RMDN2: variants seen among roughly 807,000 people sequenced by gnomAD.
RMDN2 encodes the protein regulator of microtubule dynamics 2.
A neutral mutation model predicts 52.8 loss-of-function variants in RMDN2; 61 were observed. The observed-to-expected ratio is 1.16, with a 90% confidence interval of 0.94 to 1.43. The LOEUF (loss-of-function observed/expected upper bound fraction) is 1.43. RMDN2 is among the 40% of genes most tolerant of loss of function. The pLI, the probability that RMDN2 is intolerant of heterozygous loss-of-function variation, is 0.00. For missense variants in RMDN2, 592 were observed against 475.3 expected (o/e 1.25, Z -2.28); for synonymous variants, 180 against 153.1 (o/e 1.18, Z -1.30).
chr2:38,039,746 C>A (rs1475158055), intron 10 of RMDN2, among the ~76,000 whole-genome samples: 1 of 152,186 alleles, frequency 6.6e-6, no homozygotes, highest in African/African-American at 2.4e-5. Context: ...GGGTGCCAGG[C>A]TGGCCCTGCC....
intron 2 of RMDN2, among the ~76,000 whole-genome samples, chr2:37,964,951 A>G (rs560530327): frequency 6.6e-6 from 1 of 152,212 alleles, no homozygotes; most frequent in Admixed American, 6.5e-5. Context: ...TTATTGTTAT[A>G]TCTTCTTGGT....
rs1207550347 is a variant in RMDN2 at position 37,929,454 on chromosome 2, T to A, written c.177T>A (p.His59Gln). 1.3e-6 allele frequency: 2 copies of A among 1,551,686 alleles called. No homozygotes were observed. The highest frequency in any genetic ancestry group is 1.2e-5 in the South Asian group (1 of 84,062). The change falls in exon 2 of 11, where the codon CAT becomes CAA. Residue 59 changes from histidine (H) to glutamine (Q), a missense_variant. Physicochemically the swap from His to Gln is conservative, Grantham distance 24. Coordinates refer to ENST00000354545, the MANE Select transcript of RMDN2 (RefSeq NM_001170791.3). Reference sequence around the variant, plus strand: ...CAATAACTTTGCAAGATGAAATACATGATGACCAAGGAACAACAGTAATCT... The same window carrying A: ...CAATAACTTTGCAAGATGAAATACAAGATGACCAAGGAACAACAGTAATCT... ...FNSITLQDEI[H>Q]DDQGTTVIFQ...
rs1485916000 is a variant in RMDN2, at chr2:37,950,361, C to A, written c.452+20632C>A. 12 of 1,329,770 alleles carry A rather than the reference C, an allele frequency of 9.0e-6. No individual in the cohort carries two copies. The East Asian group carries it at 2.9e-4, about 33-fold the overall frequency. 82.4% of individuals were successfully genotyped at this position (1,329,770 alleles called of 1,614,324 possible). A position where few individuals can be genotyped will look rare whatever the true frequency, so the allele number is the denominator to read the frequency against. On this transcript the variant is annotated intron_variant, in intron 2 of 10. Transcript: ENST00000354545. Reference sequence around the variant, plus strand: ...CATTCCACAGCCATGTGAATTCCAACTTCGGAGAAAGGTGAGCTACAGAAC... The same window carrying A: ...CATTCCACAGCCATGTGAATTCCAAATTCGGAGAAAGGTGAGCTACAGAAC...
At chr2:38,037,298 G>A (rs1680649150) in intron 10 of RMDN2, among the ~76,000 whole-genome samples, 1 of 152,218 alleles carries the variant, frequency 6.6e-6, no homozygotes, top group South Asian at 2.1e-4. Flanking sequence ...GAGGGACAGA[G>A]ACTCTTCAGG....
chr2:38,064,521 A>G (rs1423490378), intron 10 of RMDN2, among the ~76,000 whole-genome samples: 2 of 152,022 alleles, frequency 1.3e-5, no homozygotes, highest in Non-Finnish European at 2.9e-5. Context: ...AACAGGTTAG[A>G]CTTCAAGAGT....
At chr2:37,989,443 T>G (rs1674466932) in intron 5 of RMDN2, 98 bp from the exon 6 acceptor site, 1 of 756,856 alleles carries the variant, frequency 1.3e-6, no homozygotes, top group Admixed American at 2.3e-5. Flanking sequence ...TAAATATGAA[T>G]GAATGCTTTA....
At chr2:37,937,827 A>G (rs1406434416) in intron 2 of RMDN2, among the ~76,000 whole-genome samples, 2 of 152,192 alleles carry the variant, frequency 1.3e-5, no homozygotes, top group Non-Finnish European at 2.9e-5. Context: ...CAGTCATGTC[A>G]TCTGCAAACA....
chr2:38,016,659 G>A (rs1178790841), intron 10 of RMDN2, among the ~76,000 whole-genome samples: 1 of 152,014 alleles, frequency 6.6e-6, no homozygotes, highest in Non-Finnish European at 1.5e-5. Context: ...CTTTATAGGT[G>A]GTCTCACTCA....
chr2:37,933,391 A>G (rs542064675), intron 2 of RMDN2, among the ~76,000 whole-genome samples: 38 of 152,324 alleles, frequency 2.5e-4, no homozygotes, highest in African/African-American at 8.2e-4. Context: ...AGAGGCTGCA[A>G]TCTCGGCACT....
intron 10 of RMDN2, chr2:38,029,735 G>C (rs336043): frequency 1.3e-5 from 2 of 151,320 alleles, no homozygotes; most frequent in African/African-American, 4.9e-5. Flanking sequence ...TGGGGCAGGA[G>C]GTGGGGAAGC....
At chr2:37,990,901 A>G (rs865845525) in intron 6 of RMDN2, among the ~76,000 whole-genome samples, 1 of 152,278 alleles carries the variant, frequency 6.6e-6, no homozygotes, top group Middle Eastern at 3.4e-3. Context: ...TTGTAAGCTC[A>G]CCTCAGAATC....
intron 2 of RMDN2, among the ~76,000 whole-genome samples, chr2:37,964,418 C>G (rs6544121): frequency 0.39 from 58,682 of 152,034 alleles, 12,476 homozygotes; most frequent in South Asian, 0.51. Flanking sequence ...TCTTATTTGC[C>G]TTGTGATTGC....
In RMDN2 at chr2:37,964,561, A is replaced by G. The variant is rs1351667486; in HGVS notation, c.453-9479A>G. Among the ~76,000 whole-genome samples the G allele has an allele frequency of 2.0e-5, 3 of 152,186 alleles. No individual in the cohort carries two copies. The East Asian group carries it at 5.8e-4, about 29-fold the overall frequency. ...AGAAAATATGCTTCATATAATTTCT[A>G]TGTTTGTAAATTAACTAAGACTTAT... On this transcript the variant is annotated intron_variant, in intron 2 of 10. Coordinates refer to ENST00000354545, the MANE Select transcript of RMDN2 (RefSeq NM_001170791.3).
rs542924276 is a variant in RMDN2, at chr2:38,043,613, T to C, written c.1714-23369T>C. Reference sequence around the variant, plus strand: ...GCCTTCTCTGGCTTTGAGTATTTTATATGATTCCATTTTCTCTCGTCCTTT... The same window carrying C: ...GCCTTCTCTGGCTTTGAGTATTTTACATGATTCCATTTTCTCTCGTCCTTT... On this transcript the variant is annotated intron_variant, in intron 10 of 10. Transcript: ENST00000234195. Among the ~76,000 whole-genome samples the C allele has an allele frequency of 2.0e-5, 3 of 152,252 alleles. No individual in the cohort carries two copies. The East Asian group carries it at 5.8e-4, about 29-fold the overall frequency.
chr2:37,971,185 C>T (rs1451925695), intron 2 of RMDN2, among the ~76,000 whole-genome samples: 2 of 152,008 alleles, frequency 1.3e-5, no homozygotes, highest in African/African-American at 2.4e-5. Context: ...AAAACATATA[C>T]ATATAAAATG....
At chr2:38,060,664 A>G (rs1323154995) in intron 10 of RMDN2, among the ~76,000 whole-genome samples, 3 of 152,306 alleles carry the variant, frequency 2.0e-5, no homozygotes, top group Non-Finnish European at 4.4e-5. Context: ...CACCAGATCC[A>G]GTGGACACCA....
chr2:37,950,468 G>A, intron 2 of RMDN2: 1 of 1,611,186 alleles, frequency 6.2e-7, no homozygotes, highest in African/African-American at 1.3e-5. Flanking sequence ...AACTCCACAT[G>A]CAGCTTGAGC....
At position 37,982,888 on chromosome 2, in the gene RMDN2, T is replaced by C. The variant is rs151245627; in HGVS notation, c.791+1545T>C. Among the ~76,000 whole-genome samples the C allele has an allele frequency of 1.4e-4, 21 of 152,280 alleles. No homozygotes were observed. The East Asian group carries it at 3.9e-3, about 28-fold the overall frequency. ...CTGTTCCTACGTTTAGTAGTAACTGTAATGAATTTGTGGTGATCAAGCCCT... is the reference window on the plus strand; with the variant it reads ...CTGTTCCTACGTTTAGTAGTAACTGCAATGAATTTGTGGTGATCAAGCCCT... On this transcript the variant is annotated intron_variant, in intron 5 of 10. Coordinates refer to ENST00000354545, the MANE Select transcript of RMDN2 (RefSeq NM_001170791.3).
Position 37,963,320 on chromosome 2 carries a change from T to TC in RMDN2, c.453-10720_453-10719insC, listed in dbSNP as rs200916500. 3.5e-3 allele frequency: 497 copies of TC among 141,334 alleles called. 6 individuals carry two copies. The East Asian group carries it at 0.039, about 11-fold the overall frequency. The allele number at this position is 141,334 out of a possible 1,614,324, so 8.8% of individuals were successfully genotyped here. The stretch of plus-strand genomic sequence containing the variant: ...TTGGCTTCATACACGTGAGTTTCTT[T>TC]TTTTTTTTTTTTTTTAATTGATCAT... On this transcript the variant is annotated intron_variant, in intron 2 of 10. Coordinates refer to ENST00000354545, the MANE Select transcript of RMDN2 (RefSeq NM_001170791.3).
Sources: allele counts gnomAD v4.1 joint callset (sites outside exome capture counted in the v4.1 genomes callset), GRCh38; gene constraint gnomAD v4.1.1; transcripts MANE v1.5; gene names NCBI Gene and HGNC (gene_info 2026-07-23, HGNC 2026-07-21).